CRTC3: variants seen among roughly 807,000 people sequenced by gnomAD.
The protein encoded by CRTC3 is CREB regulated transcription coactivator 3.
In CRTC3, 26 loss-of-function variants were observed where a neutral mutation model predicts 74.5. The observed-to-expected ratio is 0.35, with a 90% CI of 0.26 to 0.48. The LOEUF is 0.48. CRTC3 is among the 20% of genes least tolerant of loss of function. The pLI is 0.99. For synonymous variants in CRTC3, 377 were observed against 325.8 expected (o/e 1.16, Z -1.69); for missense variants, 760 against 787.3 (o/e 0.97, Z 0.41).
Position 90,637,411 on chromosome 15 carries a change from C to T in CRTC3, c.1267-1035C>T, listed in dbSNP as rs954675521. On this transcript the variant is annotated intron_variant, in intron 11 of 14. Coordinates refer to ENST00000268184, the MANE Select transcript of CRTC3 (RefSeq NM_022769.5). ...ACACACCGGGGCCTGTTGTGGGATG[C>T]GGGGAAGGGGGAGGGATAGCATTGG... Among the ~76,000 whole-genome samples the T allele has an allele frequency of 4.0e-5, 6 of 151,774 alleles. No individual in the cohort carries two copies. The East Asian group carries it at 5.8e-4, about 15-fold the overall frequency.
intron 2 of CRTC3, among the ~76,000 whole-genome samples, chr15:90,589,618 C>T (rs1353298105): frequency 3.3e-5 from 5 of 152,220 alleles, no homozygotes; most frequent in Admixed American, 1.3e-4. Context: ...TTTGGCCTCC[C>T]GCAATGCTAG....
rs375753671 is a variant in CRTC3, at chr15:90,625,963, A to G, written c.937A>G (p.Met313Val). 3 of 1,614,198 alleles carry G rather than the reference A, an allele frequency of 1.9e-6. No individual in the cohort carries two copies. The highest frequency in any genetic ancestry group is 1.1e-5 in the South Asian group (1 of 91,084). The stretch of plus-strand genomic sequence containing the variant: ...TAGTGTGAACAACATCCCAGCTGCT[A>G]TGACCCACCTGGGTATAAGAAGCTC... ...GNSVNNIPAA[M>V]THLGIRSSSG... The change falls in exon 10 of 15, where the codon ATG becomes GTG. Residue 313 changes from methionine (M) to valine (V), a missense_variant. Met to Val is a conservative substitution (Grantham distance 21). Around this residue, in one of 2 missense-constraint regions of CRTC3, gnomAD observed 652 missense variants for 635.2 expected, o/e 1.03. Coordinates refer to ENST00000268184, the MANE Select transcript of CRTC3 (RefSeq NM_022769.5).
chr15:90,607,587 T>C, intron 6 of CRTC3, 109 bp downstream of exon 6: 1 of 677,004 alleles, frequency 1.5e-6, no homozygotes, highest in South Asian at 1.8e-5. Context: ...TTCAGTGATC[T>C]TAGAGAGGCA....
At chr15:90,563,276 A>G (rs1967051345) in intron 2 of CRTC3, among the ~76,000 whole-genome samples, 1 of 151,894 alleles carries the variant, frequency 6.6e-6, no homozygotes, top group Admixed American at 6.6e-5. Context: ...TGGAGTGGTC[A>G]ATGCCGGTAA....
At chr15:90,589,648 T>C (rs1967753066) in intron 2 of CRTC3, among the ~76,000 whole-genome samples, 1 of 152,214 alleles carries the variant, frequency 6.6e-6, no homozygotes, top group Non-Finnish European at 1.5e-5. Flanking sequence ...CGTGAGCCAC[T>C]ACAACCAGCC....
intron 7 of CRTC3, among the ~76,000 whole-genome samples, chr15:90,617,062 T>G (rs1238185156): frequency 1.3e-5 from 2 of 152,256 alleles, no homozygotes; most frequent in Non-Finnish European, 2.9e-5. Context: ...ATTGTCTACA[T>G]TTTACTTCCT....
chr15:90,638,695 T>C (rs1413761911), intron 12 of CRTC3, 40 bp from the exon 13 acceptor site: 1 of 1,612,508 alleles, frequency 6.2e-7, no homozygotes, highest in Non-Finnish European at 8.5e-7. Context: ...TGTTTTGCTC[T>C]GAGTTCCAAG....
intron 13 of CRTC3, among the ~76,000 whole-genome samples, chr15:90,640,211 T>C (rs1969390200): frequency 6.6e-6 from 1 of 152,194 alleles, no homozygotes; most frequent in African/African-American, 2.4e-5. Flanking sequence ...TGAAAAATGA[T>C]AGACACTTCT....
At chr15:90,556,888 C>G (rs1447557824) in intron 2 of CRTC3, among the ~76,000 whole-genome samples, 1 of 147,932 alleles carries the variant, frequency 6.8e-6, no homozygotes, top group African/African-American at 2.5e-5. Flanking sequence ...CTTGTCATTT[C>G]TAGAAAATAA....
chr15:90,612,026 A>ACGC (rs143245311), intron 6 of CRTC3, among the ~76,000 whole-genome samples: 1 of 51,202 alleles, frequency 2.0e-5, no homozygotes, highest in Non-Finnish European at 3.6e-5. Flanking sequence ...ACCACCCCCC[A>ACGC]CTCCTCCTCC....
At chr15:90,577,029 TTTTTGTTTTG>T (rs113826739) in intron 2 of CRTC3, among the ~76,000 whole-genome samples, 99,221 of 151,204 alleles carry the variant, frequency 0.66, 32,952 homozygotes, top group South Asian at 0.86. Context: ...ATTTGTTTGT[TTTTTGTTTTG>T]TTTTGTTTTG....
At chr15:90,598,187 A>G in intron 3 of CRTC3, 1 of 493,768 alleles carries the variant, frequency 2.0e-6, no homozygotes, top group Non-Finnish European at 3.6e-6. Flanking sequence ...CTGCCCCGAC[A>G]AGGCAGTTCC....
At chr15:90,618,883 T>C (rs1280605466) in intron 8 of CRTC3, among the ~76,000 whole-genome samples, 1 of 152,196 alleles carries the variant, frequency 6.6e-6, no homozygotes, top group Non-Finnish European at 1.5e-5. Flanking sequence ...GAGGCACATG[T>C]GGTTGTGGAG....
intron 2 of CRTC3, among the ~76,000 whole-genome samples, chr15:90,575,373 C>T (rs1967380008): frequency 6.6e-6 from 1 of 152,124 alleles, no homozygotes; most frequent in African/African-American, 2.4e-5. Flanking sequence ...AAGTTAATGC[C>T]TTTTTGGTTG....
chr15:90,632,474 A>C (rs755887570), intron 11 of CRTC3, among the ~76,000 whole-genome samples: 9 of 152,176 alleles, frequency 5.9e-5, no homozygotes, highest in Non-Finnish European at 1.0e-4. Flanking sequence ...TTATTCATGC[A>C]CATAGTTTAA....
At chr15:90,550,408 C>T (rs1331740044) in intron 2 of CRTC3, among the ~76,000 whole-genome samples, 2 of 143,812 alleles carry the variant, frequency 1.4e-5, no homozygotes, top group Non-Finnish European at 3.0e-5. Flanking sequence ...GAAACTCCGT[C>T]TCAAAAAAAA....
chr15:90,633,019 C>T (rs1596145765), intron 11 of CRTC3, among the ~76,000 whole-genome samples: 1 of 152,154 alleles, frequency 6.6e-6, no homozygotes. Flanking sequence ...CCACAGACTC[C>T]ACCACACACA....
intron 1 of CRTC3, among the ~76,000 whole-genome samples, chr15:90,538,053 C>G (rs2151055056): frequency 6.6e-6 from 1 of 152,318 alleles, no homozygotes; most frequent in Admixed American, 6.5e-5. Flanking sequence ...GAGTTGAAGC[C>G]TTTGTGAGAA....
intron 1 of CRTC3, among the ~76,000 whole-genome samples, chr15:90,532,627 C>T (rs1966645484): frequency 6.6e-6 from 1 of 152,192 alleles, no homozygotes; most frequent in South Asian, 2.1e-4. Context: ...TACCTATTCA[C>T]CTAGGCGTTA....
Sources: gnomAD v4.1 joint callset for allele counts (sites outside exome capture counted in the v4.1 genomes callset) on GRCh38, gnomAD v4.1.1 for gene constraint, gnomAD v4.1.1 regional missense constraint, MANE v1.5 for transcripts, NCBI Gene and HGNC (gene_info 2026-07-23, HGNC 2026-07-21) for gene names.